DPP10: variants seen among roughly 807,000 people sequenced by gnomAD.
DPP10 encodes the protein inactive dipeptidyl peptidase 10.
Under a neutral mutation model 120.9 loss-of-function variants are expected in DPP10, and 33 were observed. The ratio of observed to expected loss-of-function variants is 0.27; its 90% CI spans 0.21 to 0.37. The LOEUF is 0.37. Among genes scored for constraint, DPP10 ranks in the 10% least tolerant of loss-of-function variants. The pLI, the probability that DPP10 is intolerant of heterozygous loss-of-function variation, is 1.00. For missense variants in DPP10, 816 were observed against 942.8 expected (o/e 0.87, Z 1.76); for synonymous variants, 337 against 326.1 (o/e 1.03, Z -0.36).
At chr2:115,206,834 G>A (rs1306916914) in intron 1 of DPP10, among the ~76,000 whole-genome samples, 1 of 152,178 alleles carries the variant, frequency 6.6e-6, no homozygotes, top group Non-Finnish European at 1.5e-5. Context: ...CATGCTATTT[G>A]TCCAATCTAG....
intron 5 of DPP10, among the ~76,000 whole-genome samples, chr2:115,687,609 T>G (rs767815052): frequency 7.7e-6 from 1 of 130,008 alleles, no homozygotes. Flanking sequence ...TTTATTGCAG[T>G]CTTCACCTCA....
intron 1 of DPP10, among the ~76,000 whole-genome samples, chr2:114,936,583 C>A (rs1464484988): frequency 6.6e-6 from 1 of 151,868 alleles, no homozygotes; most frequent in Admixed American, 6.6e-5. Context: ...AATATAATGA[C>A]CTCCTTCCTC....
At chr2:115,746,677 A>G (rs930913652) in intron 10 of DPP10, among the ~76,000 whole-genome samples, 1 of 152,140 alleles carries the variant, frequency 6.6e-6, no homozygotes, top group Admixed American at 6.5e-5. Flanking sequence ...AAGAAACTTG[A>G]TCAGGGAGAA....
At chr2:115,801,601 C>T (rs554704286) in intron 19 of DPP10, among the ~76,000 whole-genome samples, 55 of 152,150 alleles carry the variant, frequency 3.6e-4, no homozygotes, top group Non-Finnish European at 7.1e-4. Context: ...ATTTGAGATA[C>T]GTCTCATCTA....
At chr2:115,315,584 A>G (rs1351471988) in intron 2 of DPP10, among the ~76,000 whole-genome samples, 1 of 152,192 alleles carries the variant, frequency 6.6e-6, no homozygotes, top group African/African-American at 2.4e-5. Context: ...CCCATTATGC[A>G]TTATGAGGGG....
chr2:114,530,263 A>G (rs763565005), intron 1 of DPP10, among the ~76,000 whole-genome samples: 1 of 152,118 alleles, frequency 6.6e-6, no homozygotes, highest in Admixed American at 6.6e-5. Flanking sequence ...TTTTCATTTT[A>G]TCTGTAACAA....
chr2:115,332,893 A>G (rs2062844632), intron 2 of DPP10, among the ~76,000 whole-genome samples: 1 of 152,116 alleles, frequency 6.6e-6, no homozygotes, highest in South Asian at 2.1e-4. Context: ...GAAAAAATGT[A>G]TATTCTGTTG....
chr2:114,761,250 G>A (rs960802644), intron 1 of DPP10, among the ~76,000 whole-genome samples: 9 of 152,098 alleles, frequency 5.9e-5, no homozygotes, highest in Non-Finnish European at 1.2e-4. Context: ...AAAAGATGGC[G>A]TACTTTCAGT....
chr2:115,623,433 T>C (rs1445215398), intron 5 of DPP10, among the ~76,000 whole-genome samples: 1 of 152,186 alleles, frequency 6.6e-6, no homozygotes, highest in Non-Finnish European at 1.5e-5. Flanking sequence ...GAATTTGTGA[T>C]TGGTGTTATA....
chr2:115,032,757 C>T (rs1036269682), intron 1 of DPP10, among the ~76,000 whole-genome samples: 5 of 151,394 alleles, frequency 3.3e-5, no homozygotes, highest in East Asian at 2.0e-4. Flanking sequence ...CAGTGGCAGG[C>T]GCCTGTAATC....
intron 5 of DPP10, among the ~76,000 whole-genome samples, chr2:115,569,099 A>G (rs1215924329): frequency 1.3e-5 from 2 of 152,206 alleles, no homozygotes; most frequent in South Asian, 2.1e-4. Context: ...TGCTATATGT[A>G]TTTTCACCAC....
chr2:115,476,556 T>A (rs2075095390), intron 3 of DPP10, among the ~76,000 whole-genome samples: 1 of 152,172 alleles, frequency 6.6e-6, no homozygotes, highest in South Asian at 2.1e-4. Flanking sequence ...AGGGGTAAGA[T>A]GCCACACATA....
chr2:115,625,012 A>G (rs561173996), intron 5 of DPP10, among the ~76,000 whole-genome samples: 2 of 151,622 alleles, frequency 1.3e-5, no homozygotes, highest in African/African-American at 4.9e-5. Flanking sequence ...AGTGTTCTCT[A>G]TCTTCCCCAG....
chr2:115,608,159 G>C (rs1261936379), intron 5 of DPP10, among the ~76,000 whole-genome samples: 1 of 152,050 alleles, frequency 6.6e-6, no homozygotes, highest in Non-Finnish European at 1.5e-5. Flanking sequence ...AGGCAGAGGC[G>C]GGCAGATCAC....
intron 21 of DPP10, among the ~76,000 whole-genome samples, chr2:115,819,645 C>A (rs947375939): frequency 6.1e-4 from 92 of 151,960 alleles, no homozygotes; most frequent in Admixed American, 5.9e-3. Context: ...TACATTTTTT[C>A]ATCAATTATT....
intron 5 of DPP10, among the ~76,000 whole-genome samples, chr2:115,641,600 AG>A (rs1354220372): frequency 5.3e-5 from 8 of 152,176 alleles, no homozygotes; most frequent in African/African-American, 1.9e-4. Flanking sequence ...TCTACTTATG[AG>A]TCTCTATGTG....
At chr2:114,698,336 TTTC>T (rs1700187746) in intron 1 of DPP10, among the ~76,000 whole-genome samples, 1 of 152,038 alleles carries the variant, frequency 6.6e-6, no homozygotes, top group Non-Finnish European at 1.5e-5. Flanking sequence ...GAAGTGGATG[TTTC>T]AGTGTCAGTA....
intron 5 of DPP10, among the ~76,000 whole-genome samples, chr2:115,590,307 T>G (rs1360282780): frequency 6.6e-6 from 1 of 152,040 alleles, no homozygotes; most frequent in African/African-American, 2.4e-5. Context: ...CCTAATGCTA[T>G]CCCTCCCCCT....
intron 1 of DPP10, among the ~76,000 whole-genome samples, chr2:114,537,636 C>T (rs779804828): frequency 1.5e-4 from 23 of 152,138 alleles, no homozygotes; most frequent in Non-Finnish European, 2.6e-4. Context: ...GCAGAGTATG[C>T]TTTTCAAAGG....
Sources: gnomAD v4.1 joint callset for allele counts (sites outside exome capture counted in the v4.1 genomes callset) on GRCh38, gnomAD v4.1.1 for gene constraint, MANE v1.5 for transcripts, NCBI Gene and HGNC (gene_info 2026-07-23, HGNC 2026-07-21) for gene names.